Variants in MIB1 observed in about 807,000 individuals in gnomAD.
The protein encoded by MIB1 is E3 ubiquitin-protein ligase MIB1.
A neutral mutation model predicts 124.5 loss-of-function variants in MIB1; 278 were observed. The observed-to-expected ratio is 2.23, with a 90% confidence interval of 2.02 to 2.47. The LOEUF is 2.47. MIB1 is among the 30% of genes most tolerant of loss of function. MIB1 has a pLI of 0.00. For synonymous variants in MIB1, 446 were observed against 429.4 expected, an observed-to-expected ratio of 1.04 and a Z score of -0.48; for missense variants, 957 against 1,254.4, an observed-to-expected ratio of 0.76 and a Z score of 3.58.
At chr18:21,718,622 G>A (rs1316790092) in intron 1 of MIB1, among the ~76,000 whole-genome samples, 2 of 152,152 alleles carry the variant, frequency 1.3e-5, no homozygotes, top group South Asian at 2.1e-4. Context: ...ATCTGAGAGC[G>A]AATTATGCAT....
chr18:21,839,708 C>G (rs2042064737), intron 13 of MIB1, among the ~76,000 whole-genome samples: 1 of 151,992 alleles, frequency 6.6e-6, no homozygotes, highest in East Asian at 1.9e-4. Context: ...CACTATGTTG[C>G]CGAAGCTGGT....
chr18:21,731,979 T>A (rs1207218625), intron 1 of MIB1, among the ~76,000 whole-genome samples: 2 of 151,948 alleles, frequency 1.3e-5, no homozygotes, highest in East Asian at 3.9e-4. Context: ...GATAATAGTC[T>A]TTTTTACACT....
chr18:21,710,806 C>G (rs2040662097), intron 1 of MIB1, among the ~76,000 whole-genome samples: 1 of 150,398 alleles, frequency 6.6e-6, no homozygotes, highest in African/African-American at 2.5e-5. Context: ...GATAGATATG[C>G]TAGTTTAACA....
At chr18:21,739,522 A>G (rs542956772), upstream of MIB1, among the ~76,000 whole-genome samples, 1 of 152,320 alleles carries the variant, frequency 6.6e-6, no homozygotes, top group South Asian at 2.1e-4. Context: ...AATATCCCTG[A>G]TGAACATCGA....
chr18:21,844,005 C>A, intron 14 of MIB1, 87 bp from the exon 15 acceptor site: 2 of 1,327,922 alleles, frequency 1.5e-6, no homozygotes, highest in South Asian at 1.3e-5. Context: ...TCAGTAGGTC[C>A]AGGGTGTTCT....
intron 10 of MIB1, among the ~76,000 whole-genome samples, chr18:21,805,291 G>A (rs906357795): frequency 9.2e-5 from 14 of 152,064 alleles, no homozygotes; most frequent in African/African-American, 3.4e-4. Flanking sequence ...GAGATTACAG[G>A]TGTGAGCCAC....
chr18:21,806,137 G>A (rs1264555316), intron 10 of MIB1, among the ~76,000 whole-genome samples: 4 of 151,414 alleles, frequency 2.6e-5, no homozygotes, highest in South Asian at 2.1e-4. Context: ...TCCTGACCTC[G>A]AGTGATTTCG....
intron 1 of MIB1, among the ~76,000 whole-genome samples, chr18:21,731,270 A>G (rs997353118): frequency 6.6e-6 from 1 of 152,096 alleles, no homozygotes; most frequent in African/African-American, 2.4e-5. Context: ...ATTTTTGTCT[A>G]GCTTCTTTCA....
intron 13 of MIB1, among the ~76,000 whole-genome samples, chr18:21,841,778 G>A (rs889618705): frequency 6.6e-6 from 1 of 152,156 alleles, no homozygotes; most frequent in Non-Finnish European, 1.5e-5. Context: ...CTAAATGTTT[G>A]TAGCAGCTAT....
chr18:21,830,881 A>G (rs928418706), intron 12 of MIB1: 2 of 152,176 alleles, frequency 1.3e-5, no homozygotes, highest in Non-Finnish European at 2.9e-5. Context: ...TACCAAAAAC[A>G]AAAACAAAAA....
At chr18:21,769,674 CA>C in intron 3 of MIB1, among the ~76,000 whole-genome samples, 1 of 152,300 alleles carries the variant, frequency 6.6e-6, no homozygotes, top group East Asian at 1.9e-4. Context: ...TGTGAGAAGT[CA>C]AATTTTAATT....
chr18:21,866,042 C>CAT lies in MIB1; in HGVS notation c.*1378_*1379dup, dbSNP rs2042319250. 4.6e-5 allele frequency: 7 copies of CAT among 152,270 alleles called. No homozygotes were observed. In the South Asian group the frequency reaches 1.4e-3, roughly 32 times the overall value. 9.4% of individuals were successfully genotyped at this position (152,270 alleles called of 1,614,324 possible). On this transcript the variant is annotated 3_prime_UTR_variant, in exon 21 of 21. Transcript: ENST00000261537. ...GCTGCTAGATTATATCAGGTGTTTA[C>CAT]ATAGTGTCTACTATATGCTGTTGAT...
intron 4 of MIB1, among the ~76,000 whole-genome samples, chr18:21,774,486 G>A (rs1323593790): frequency 6.6e-6 from 1 of 152,196 alleles, no homozygotes; most frequent in Non-Finnish European, 1.5e-5. Flanking sequence ...TATTTGGGAG[G>A]CTGAGGCACG....
chr18:21,715,366 C>G (rs2040685064), intron 1 of MIB1, among the ~76,000 whole-genome samples: 1 of 152,144 alleles, frequency 6.6e-6, no homozygotes, highest in African/African-American at 2.4e-5. Context: ...TGAACAACAG[C>G]CTTCATCCCT....
chr18:21,803,832 A>G, intron 9 of MIB1, 75 bp from the exon 10 acceptor site: 1 of 1,086,552 alleles, frequency 9.2e-7, no homozygotes, highest in Non-Finnish European at 1.4e-6. Context: ...CTAGACTTAA[A>G]CCTACACCGT....
At chr18:21,785,969 C>CT (rs2041430100) in intron 6 of MIB1, among the ~76,000 whole-genome samples, 1 of 152,138 alleles carries the variant, frequency 6.6e-6, no homozygotes, top group South Asian at 2.1e-4. Flanking sequence ...GCTGAAAGGT[C>CT]TGTTGCTAGA....
chr18:21,821,542 C>T (rs1183039883), intron 12 of MIB1, among the ~76,000 whole-genome samples: 1 of 151,798 alleles, frequency 6.6e-6, no homozygotes, highest in Non-Finnish European at 1.5e-5. Context: ...TGTGTCATCA[C>T]TGGAATTATT....
At chr18:21,823,881 T>A (rs1752866524) in intron 12 of MIB1, among the ~76,000 whole-genome samples, 1 of 152,180 alleles carries the variant, frequency 6.6e-6, no homozygotes, top group South Asian at 2.1e-4. Context: ...ATAGGTAAAA[T>A]TTTGGATTTA....
intron 16 of MIB1, among the ~76,000 whole-genome samples, chr18:21,848,281 C>A (rs1029318337): frequency 1.3e-5 from 2 of 151,992 alleles, no homozygotes; most frequent in African/African-American, 4.8e-5. Flanking sequence ...CATGGTGAGA[C>A]CCTGTCTCTA....
Sources: gnomAD v4.1 joint callset for allele counts (sites outside exome capture counted in the v4.1 genomes callset) on GRCh38, gnomAD v4.1.1 for gene constraint, MANE v1.5 for transcripts, NCBI Gene and HGNC (gene_info 2026-07-23, HGNC 2026-07-21) for gene names.